The following TCF3 variants were observed in gnomAD, a reference collection of about 807,000 sequenced individuals.
TCF3 encodes transcription factor E2-alpha.
TCF3 carries 54 observed loss-of-function variants against 72.3 expected under a neutral mutation model. The observed-to-expected ratio is 0.75, with a 90% confidence interval of 0.60 to 0.94. The LOEUF is 0.94. Among genes scored for constraint, TCF3 ranks in the 40% least tolerant of loss-of-function variants. The pLI, the probability that TCF3 is intolerant of heterozygous loss-of-function variation, is 0.00. For synonymous variants in TCF3, 525 were observed against 412.6 expected, an observed-to-expected ratio of 1.27 and a Z score of -3.30; for missense variants, 1,078 against 934.4, an observed-to-expected ratio of 1.15 and a Z score of -2.00.
At chr19:1,618,205 A>C (rs1599530454) in intron 16 of TCF3, among the ~76,000 whole-genome samples, 1 of 151,810 alleles carries the variant, frequency 6.6e-6, no homozygotes, top group Admixed American at 6.5e-5. Context: ...TCCCAGAGCC[A>C]CCCTGCCTTC....
Position 1,614,863 on chromosome 19 carries a change from C to T in TCF3, c.1822+422G>A, listed in dbSNP as rs572876121. 1.2e-4 allele frequency among the ~76,000 whole-genome samples: 18 copies of T among 152,166 alleles called. No homozygotes were observed. The South Asian group carries it at 1.7e-3, about 14-fold the overall frequency. Reference sequence around the variant, plus strand: ...GTGGCCTTGCGTGGCATCTGCCTGACGGGAAGGGGCCAGGGTGGTTTGCAC... The same window carrying T: ...GTGGCCTTGCGTGGCATCTGCCTGATGGGAAGGGGCCAGGGTGGTTTGCAC... On this transcript the variant is annotated intron_variant, in intron 18 of 18. Transcript: ENST00000262965. This position sits in a 1 kb window ranked among gnomAD's most constrained non-coding sequence, Gnocchi z 5.6.
chr19:1,623,325 C>T (rs961124815), intron 8 of TCF3, among the ~76,000 whole-genome samples: 25 of 150,256 alleles, frequency 1.7e-4, no homozygotes, highest in South Asian at 1.1e-3. Flanking sequence ...GGCAGGGATG[C>T]GGGGCAGCCT....
chr19:1,615,191 G>A lies in TCF3; in HGVS notation c.1822+94C>T. On this transcript the variant is annotated intron_variant, in intron 18 of 18. Coordinates refer to ENST00000262965, the MANE Select transcript of TCF3 (RefSeq NM_003200.5). This position sits in a 1 kb window ranked among gnomAD's most constrained non-coding sequence, Gnocchi z 7.3. ...AGGCAACTGCTGCAGAGGGAGGGCT[G>A]GCTCCAGGAAGGCGGGCGGGGAAGG... 1 of 1,436,736 alleles carries A rather than the reference G, an allele frequency of 7.0e-7. No homozygotes were observed. The highest frequency in any genetic ancestry group is 1.4e-5 in the African/African-American group (1 of 70,230). The allele number at this position is 1,436,736 out of a possible 1,614,324, so 89.0% of individuals were successfully genotyped here.
At position 1,615,119 on chromosome 19, in the gene TCF3, G is replaced by A. The variant is rs752720072; in HGVS notation, c.1822+166C>T. On this transcript the variant is annotated intron_variant, in intron 18 of 18. Transcript: ENST00000262965. The surrounding 1 kb of genome is among the most constrained non-coding windows in gnomAD (Gnocchi z 7.3). ...AAGGGCTGGCAGTCAGGAGTGGACA[G>A]TCATGGCAATGCGGTCAGAGGGGTG... Among the ~76,000 whole-genome samples, 11 of 152,196 alleles carry A rather than the reference G, an allele frequency of 7.2e-5. No homozygotes were observed. Among genetic ancestry groups the A allele is most frequent in the Non-Finnish European group, 1.3e-4 (9 of 68,038 alleles).
At chr19:1,617,352 CAACAT>C (rs1177015104) in intron 16 of TCF3, among the ~76,000 whole-genome samples, 1 of 152,258 alleles carries the variant, frequency 6.6e-6, no homozygotes, top group Non-Finnish European at 1.5e-5. Context: ...ACCCCACACA[CAACAT>C]AAGCCAGCAA....
At position 1,610,418 on chromosome 19, in the gene TCF3, T is replaced by TGGTGG. The variant is rs765193208; in HGVS notation, c.*1284_*1288dup. The TGGTGG allele has an allele frequency of 4.4e-6, 1 of 225,390 alleles. No homozygotes were observed. 14.0% of individuals were successfully genotyped at this position (225,390 alleles called of 1,614,324 possible). The stretch of plus-strand genomic sequence containing the variant: ...ATGGCCCTCTGGTGTAATGGGGACA[T>TGGTGG]GGTGGGGTGGGGTGGGGGGTGTCCT... On this transcript the variant is annotated 3_prime_UTR_variant, in exon 19 of 19. Transcript: ENST00000262965.
In TCF3 at chr19:1,640,048, G is replaced by C. The variant is rs374897422; in HGVS notation, c.145+6307C>G. Reference sequence around the variant, plus strand: ...GAGAGAAAATGCACAGGGCAGCCGAGTCAAGAACAAAGAAACCACCTAAAA... The same window carrying C: ...GAGAGAAAATGCACAGGGCAGCCGACTCAAGAACAAAGAAACCACCTAAAA... On this transcript the variant is annotated intron_variant, in intron 3 of 18. Coordinates refer to ENST00000262965, the MANE Select transcript of TCF3 (RefSeq NM_003200.5). Among the ~76,000 whole-genome samples the C allele has an allele frequency of 3.3e-5, 5 of 152,342 alleles. No individual in the cohort carries two copies. In the South Asian group the frequency reaches 6.2e-4, roughly 19 times the overall value.
intron 3 of TCF3, among the ~76,000 whole-genome samples, chr19:1,641,276 C>G (rs1450707191): frequency 2.6e-5 from 4 of 151,840 alleles, no homozygotes; most frequent in Non-Finnish European, 5.9e-5. Flanking sequence ...AAAAGCTAAT[C>G]TCAGAAGGTT....
At chr19:1,627,281 G>A (rs757836067) in intron 6 of TCF3, 78 bp downstream of exon 6, 23 of 1,321,600 alleles carry the variant, frequency 1.7e-5, no homozygotes, top group Middle Eastern at 4.4e-4. Context: ...AGCCAGGAGA[G>A]CTTCTGCAGA....
chr19:1,650,488 G>A, intron 1 of TCF3: 1 of 519,614 alleles, frequency 1.9e-6, no homozygotes, highest in Non-Finnish European at 3.4e-6. Context: ...CTAGGTCCCT[G>A]CAGAGTCCTC....
At chr19:1,639,170 A>G (rs981983096) in intron 3 of TCF3, among the ~76,000 whole-genome samples, 7 of 152,232 alleles carry the variant, frequency 4.6e-5, no homozygotes, top group African/African-American at 1.7e-4. Context: ...CAGCCTCCCG[A>G]GCAGCTGGGA....
chr19:1,630,585 C>T (rs1237542288), intron 5 of TCF3, among the ~76,000 whole-genome samples: 2 of 152,192 alleles, frequency 1.3e-5, no homozygotes, highest in South Asian at 2.1e-4. Flanking sequence ...AGGTCCAGTG[C>T]CCCACAGCTC....
At chr19:1,651,028 A>T (rs2066946930) in intron 1 of TCF3, 1 of 231,716 alleles carries the variant, frequency 4.3e-6, no homozygotes. Flanking sequence ...TTTTTAAGCA[A>T]AACTTTGACA....
At chr19:1,622,695 T>C (rs2062395746) in intron 8 of TCF3, among the ~76,000 whole-genome samples, 2 of 152,184 alleles carry the variant, frequency 1.3e-5, no homozygotes, top group East Asian at 3.8e-4. Context: ...CTCTGCCTAC[T>C]AAACCTTTTT....
intron 6 of TCF3, among the ~76,000 whole-genome samples, chr19:1,626,708 G>A (rs541514941): frequency 1.2e-4 from 19 of 152,314 alleles, no homozygotes; most frequent in African/African-American, 4.3e-4. Context: ...CCCTCGTTGC[G>A]GGGACTGATA....
At chr19:1,645,381 G>A (rs2065932716) in intron 3 of TCF3, among the ~76,000 whole-genome samples, 2 of 151,458 alleles carry the variant, frequency 1.3e-5, no homozygotes, top group South Asian at 4.2e-4. Context: ...TCGACAGCCA[G>A]CCTGGGCCGC....
chr19:1,641,280 G>A (rs1161175022), intron 3 of TCF3, among the ~76,000 whole-genome samples: 2 of 151,806 alleles, frequency 1.3e-5, no homozygotes, highest in African/African-American at 2.4e-5. Context: ...GCTAATCTCA[G>A]AAGGTTGCAA....
rs545973636 is a variant in TCF3 at position 1,620,006 on chromosome 19, C to T, written c.1094-153G>A. The stretch of plus-strand genomic sequence containing the variant: ...CGGGGCACCCCACACTGATGCAAAG[C>T]TGCTCGGCCCCGCCAGGCAGGGATG... On this transcript the variant is annotated intron_variant, in intron 13 of 18. Transcript: ENST00000262965. Among the ~76,000 whole-genome samples, 21 of 152,308 alleles carry T rather than the reference C, an allele frequency of 1.4e-4. No homozygotes were observed. In the South Asian group the frequency reaches 4.1e-3, roughly 30 times the overall value.
intron 3 of TCF3, 23 bp from the exon 4 acceptor site, chr19:1,632,428 T>A: frequency 6.3e-7 from 1 of 1,577,676 alleles, no homozygotes; most frequent in Non-Finnish European, 8.6e-7. Flanking sequence ...CAGAGAGAGT[T>A]ATGGGTCACC....
Sources: gnomAD v4.1 joint callset for allele counts (sites outside exome capture counted in the v4.1 genomes callset) on GRCh38, gnomAD v4.1.1 for gene constraint, Gnocchi (gnomAD v3.1) non-coding constraint, MANE v1.5 for transcripts, NCBI Gene and HGNC (gene_info 2026-07-23, HGNC 2026-07-21) for gene names.